ST18: variants seen among roughly 807,000 people sequenced by gnomAD.
The protein encoded by ST18 is suppression of tumorigenicity 18 protein.
In ST18, 50 loss-of-function variants were observed where a neutral mutation model predicts 110.0. That is an observed-to-expected ratio of 0.45 (90% CI 0.36 to 0.58). The LOEUF (loss-of-function observed/expected upper bound fraction) is 0.58. ST18 is among the 20% of genes least tolerant of loss of function. ST18 has a pLI of 0.00. For missense variants in ST18, 1,306 were observed against 1,280.1 expected (o/e 1.02, Z -0.31); for synonymous variants, 461 against 452.4 (o/e 1.02, Z -0.24).
chr8:52,232,025 G>A (rs1036679148), intron 2 of ST18, among the ~76,000 whole-genome samples: 1 of 152,176 alleles, frequency 6.6e-6, no homozygotes, highest in Non-Finnish European at 1.5e-5. Context: ...TAAGTTTGTG[G>A]ACCATACTTG....
At chr8:52,115,741 T>C (rs575383624) in intron 25 of ST18, among the ~76,000 whole-genome samples, 1 of 152,356 alleles carries the variant, frequency 6.6e-6, no homozygotes, top group South Asian at 2.1e-4. Flanking sequence ...TATAGTTGCA[T>C]ACCTAAAATA....
intron 16 of ST18, 113 bp downstream of exon 16, chr8:52,149,598 TCAAAATCTAAAGCAAGGTACA>T (rs2058268271): frequency 3.1e-6 from 4 of 1,285,748 alleles, no homozygotes; most frequent in Admixed American, 6.4e-5. Context: ...CACCACTTTA[TCAAAATCTAAAGCAAGGTACA>T]GAATTATGTA....
At chr8:52,189,263 T>C (rs1415227172) in intron 8 of ST18, among the ~76,000 whole-genome samples, 1 of 152,196 alleles carries the variant, frequency 6.6e-6, no homozygotes, top group Non-Finnish European at 1.5e-5. Flanking sequence ...ACAGACAAGC[T>C]GGATCCTGAA....
intron 5 of ST18, among the ~76,000 whole-genome samples, chr8:52,219,444 AT>A (rs2085769367): frequency 6.6e-6 from 1 of 152,234 alleles, no homozygotes; most frequent in Non-Finnish European, 1.5e-5. Context: ...CAACATATTT[AT>A]AATTTTCAAA....
chr8:52,165,214 G>T lies in ST18; in HGVS notation c.1216C>A (p.His406Asn), dbSNP rs2062565503. ...GTGGGACACTTGAGCACATTTTCATGCATGGCAAGAACTAAGCACAAAACA... is the reference window on the plus strand; with the variant it reads ...GTGGGACACTTGAGCACATTTTCATTCATGGCAAGAACTAAGCACAAAACA... ...VRVPLEILAM[H>N]ENVLKCPTPG... The change falls in exon 12 of 26, where the codon CAT (histidine) becomes AAT (asparagine). Residue 406 changes from histidine to asparagine, a missense_variant. By Grantham distance (68) the His-to-Asn change is moderately conservative. Coordinates refer to ENST00000689386, the MANE Select transcript of ST18 (RefSeq NM_001352837.2). 1 of 1,614,142 alleles carries T rather than the reference G, an allele frequency of 6.2e-7. No individual in the cohort carries two copies. Among genetic ancestry groups the T allele is most frequent in the Non-Finnish European group, 8.5e-7 (1 of 1,180,022 alleles).
intron 17 of ST18, 175 bp from the exon 18 acceptor site, chr8:52,137,658 T>C: frequency 1.8e-6 from 1 of 543,662 alleles, no homozygotes; most frequent in South Asian, 3.4e-5. Flanking sequence ...GTGGACTACC[T>C]GAAAGAAAAC....
chr8:52,183,998 C>T (rs1287635562), intron 8 of ST18, among the ~76,000 whole-genome samples: 1 of 152,078 alleles, frequency 6.6e-6, no homozygotes, highest in Non-Finnish European at 1.5e-5. Flanking sequence ...GGAAAATGGT[C>T]CCTTTTCCTA....
rs2086821468 is a variant in ST18 at position 52,221,716 on chromosome 8, T to C, written c.-341A>G. ...ATCAAAGTGCTCAGCTTTTTAATCA[T>C]AGATTTCTGTGTTTCTTGTAGGATT... On this transcript the variant is annotated 5_prime_UTR_variant, in exon 4 of 26. An upstream start codon of the reference 5' UTR is lost. Transcript: ENST00000689386. The C allele has an allele frequency of 6.6e-6, 1 of 152,204 alleles. No individual in the cohort carries two copies. The allele number at this position is 152,204 out of a possible 1,614,324, so 9.4% of individuals were successfully genotyped here. A position where few individuals can be genotyped will look rare whatever the true frequency, so the allele number is the denominator to read the frequency against.
At chr8:52,310,814 T>C (rs1414236817) in intron 2 of ST18, among the ~76,000 whole-genome samples, 2 of 141,044 alleles carry the variant, frequency 1.4e-5, no homozygotes, top group African/African-American at 5.2e-5. Flanking sequence ...CAGGGAGTCT[T>C]GGGAGCCATG....
intron 2 of ST18, among the ~76,000 whole-genome samples, chr8:52,261,165 C>A (rs2094683315): frequency 6.6e-6 from 1 of 152,218 alleles, no homozygotes. Flanking sequence ...AGAGAAAACT[C>A]ACATAAATAA....
intron 2 of ST18, among the ~76,000 whole-genome samples, chr8:52,321,636 T>C (rs770727756): frequency 3.3e-5 from 5 of 152,220 alleles, no homozygotes; most frequent in African/African-American, 4.8e-5. Flanking sequence ...TATATTCATA[T>C]TCCTAGTATC....
At chr8:52,158,465 C>T (rs2060553594) in intron 15 of ST18, among the ~76,000 whole-genome samples, 1 of 152,200 alleles carries the variant, frequency 6.6e-6, no homozygotes, top group African/African-American at 2.4e-5. Context: ...GTCAATTTTG[C>T]AAATGTTTCA....
chr8:52,303,854 G>A (rs534654286), intron 2 of ST18, among the ~76,000 whole-genome samples: 2 of 152,200 alleles, frequency 1.3e-5, no homozygotes, highest in Non-Finnish European at 2.9e-5. Context: ...TCGTTTTCTT[G>A]TAGACATTAT....
chr8:52,317,350 A>G (rs1325429578), intron 2 of ST18, among the ~76,000 whole-genome samples: 3 of 152,220 alleles, frequency 2.0e-5, no homozygotes, highest in Non-Finnish European at 4.4e-5. Flanking sequence ...AAGGTGAAGC[A>G]GAGTTTGGAG....
Position 52,158,909 on chromosome 8 carries a change from G to A in ST18, c.1795C>T (p.Leu599=). ...TTGGACTGGCCTACCTTGGCATGCA[G>A]ACTCTGTGGCTTGTTGGAGAGGATG... The part of the protein sequence containing the change: ...TDILSNKPQS[L]HAKGAEIEVD... Residue 599 remains leucine, a synonymous_variant, in exon 15 of 26, where the codon CTG becomes TTG. Coordinates refer to ENST00000689386, the MANE Select transcript of ST18 (RefSeq NM_001352837.2). The A allele has an allele frequency of 6.2e-7, 1 of 1,613,994 alleles. No homozygotes were observed. The highest frequency in any genetic ancestry group is 8.5e-7 in the Non-Finnish European group (1 of 1,179,892).
At position 52,116,353 on chromosome 8, in the gene ST18, A is replaced by G; in HGVS notation, c.2925T>C (p.Asn975=). The change falls in exon 25 of 26, where the codon AAT becomes AAC. Residue 975 remains asparagine, a synonymous_variant. Transcript: ENST00000689386. ...EEENKLIEQN[N]ESLLKELAGL... is the part of the protein sequence containing the mutation. ...CTGCCAGCTCTTTCAGCAGACTTTC[A>G]TTGTTCTGTTCTATGAGTTTGTTCT... is the stretch of plus-strand genomic sequence containing the variant. The G allele has an allele frequency of 6.2e-7, 1 of 1,613,914 alleles. No homozygotes were observed. The highest frequency in any genetic ancestry group is 2.2e-5 in the East Asian group (1 of 44,844).
At chr8:52,265,686 G>A (rs915891177) in intron 2 of ST18, among the ~76,000 whole-genome samples, 1 of 152,206 alleles carries the variant, frequency 6.6e-6, no homozygotes, top group Non-Finnish European at 1.5e-5. Context: ...TAGTGTCAAA[G>A]GGAAACTGAA....
chr8:52,287,391 G>A (rs773641792), intron 2 of ST18, among the ~76,000 whole-genome samples: 9 of 152,158 alleles, frequency 5.9e-5, no homozygotes, highest in Non-Finnish European at 1.3e-4. Context: ...AGAAGGTGAT[G>A]TCTGTGTGTT....
intron 2 of ST18, among the ~76,000 whole-genome samples, chr8:52,390,160 G>A (rs1399869681): frequency 6.6e-6 from 1 of 152,142 alleles, no homozygotes; most frequent in African/African-American, 2.4e-5. Context: ...AAAGTGGGGA[G>A]CAGATTGTTT....
Sources: gnomAD v4.1 joint callset for allele counts (sites outside exome capture counted in the v4.1 genomes callset) on GRCh38, gnomAD v4.1.1 for gene constraint, MANE v1.5 for transcripts, NCBI Gene and HGNC (gene_info 2026-07-23, HGNC 2026-07-21) for gene names.